ARHGAP6: variants seen among roughly 807,000 people sequenced by gnomAD.
ARHGAP6 encodes Rho GTPase activating protein 6, also known as rho GTPase-activating protein 6.
Under a neutral mutation model 55.7 loss-of-function variants are expected in ARHGAP6, and 16 were observed. The ratio of observed to expected loss-of-function variants is 0.29; its 90% CI spans 0.19 to 0.44. The LOEUF (loss-of-function observed/expected upper bound fraction) is 0.44, where lower values mean the gene tolerates loss of function less well. Ranked by LOEUF, ARHGAP6 falls within the 20% of genes least tolerant of loss-of-function variation. The pLI is 1.00. For missense variants in ARHGAP6, 698 were observed against 808.9 expected, an observed-to-expected ratio of 0.86 and a Z score of 1.66; for synonymous variants, 382 against 360.9, an observed-to-expected ratio of 1.06 and a Z score of -0.66.
At chrX:11,641,526 G>T (rs191108659) in intron 1 of ARHGAP6, among the ~76,000 whole-genome samples, 12 of 111,525 alleles carry the variant, frequency 1.1e-4, no homozygotes, top group African/African-American at 3.9e-4. Flanking sequence ...GAAGAAGGTC[G>T]CATCACACAT....
chrX:11,187,610 C>T (rs1398475691), intron 4 of ARHGAP6, among the ~76,000 whole-genome samples: 1 of 111,797 alleles, frequency 8.9e-6, no homozygotes, highest in Admixed American at 9.5e-5. Flanking sequence ...GATCAGGTCC[C>T]CCTCTACCTT....
rs1029831204 is a variant in ARHGAP6 at position 11,265,985 on chromosome X, G to A, written c.589-11278C>T. The A allele has an allele frequency of 2.5e-5, 23 of 927,821 alleles. No individual in the cohort carries two copies. The African/African-American group carries it at 4.7e-4, about 19-fold the overall frequency. The allele number at this position is 927,821 out of a possible 1,213,427, so 76.5% of individuals were successfully genotyped here. On this transcript the variant is annotated intron_variant, in intron 1 of 12. Transcript: ENST00000337414. ...CAGAACAGAGGCAGGCTGTGTCCCT[G>A]AGTAAGTGCACAAATGAGTGAGTGC... is the stretch of plus-strand genomic sequence containing the variant.
chrX:11,176,232 CATATATATATATATATAT>C (rs746195419), intron 8 of ARHGAP6, among the ~76,000 whole-genome samples: 2 of 23,932 alleles, frequency 8.4e-5, no homozygotes, highest in African/African-American at 1.5e-4. Context: ...AGAGGATTTG[CATATATATATATATATAT>C]ATATATATAT....
At chrX:11,624,313 G>A (rs189312750) in intron 1 of ARHGAP6, among the ~76,000 whole-genome samples, 37 of 112,420 alleles carry the variant, frequency 3.3e-4, no homozygotes, top group African/African-American at 1.1e-3. Flanking sequence ...ACACTGGTCT[G>A]GGCAAAGATT....
intron 1 of ARHGAP6, among the ~76,000 whole-genome samples, chrX:11,256,227 T>C (rs1222295376): frequency 2.7e-5 from 3 of 111,785 alleles, no homozygotes; most frequent in Non-Finnish European, 3.8e-5. Flanking sequence ...CCGTCTCTAC[T>C]AAAAATACAA....
intron 2 of ARHGAP6, among the ~76,000 whole-genome samples, chrX:11,213,038 G>A (rs1858259520): frequency 8.9e-6 from 1 of 112,596 alleles, no homozygotes; most frequent in Non-Finnish European, 1.9e-5. Context: ...GTGGCTCTCT[G>A]AGGCCTCTGT....
chrX:11,393,924 T>C (rs1233648055), intron 1 of ARHGAP6, among the ~76,000 whole-genome samples: 1 of 111,869 alleles, frequency 8.9e-6, no homozygotes, highest in African/African-American at 3.2e-5. Flanking sequence ...TAGTAGTAAT[T>C]CCAGAAAGTG....
At chrX:11,366,782 C>T (rs1035259774) in intron 1 of ARHGAP6, among the ~76,000 whole-genome samples, 1 of 111,983 alleles carries the variant, frequency 8.9e-6, no homozygotes, top group East Asian at 2.8e-4. Context: ...TCCTGTGTAA[C>T]TTTACAATGG....
At chrX:11,203,612 C>A (rs777931136) in intron 2 of ARHGAP6, among the ~76,000 whole-genome samples, 1 of 112,124 alleles carries the variant, frequency 8.9e-6, no homozygotes, top group African/African-American at 3.2e-5. Context: ...TTAGCAAGAA[C>A]TCCCTAAGAT....
At chrX:11,525,543 C>G (rs955484033) in intron 1 of ARHGAP6, among the ~76,000 whole-genome samples, 6 of 112,008 alleles carry the variant, frequency 5.4e-5, no homozygotes, top group African/African-American at 1.3e-4. Flanking sequence ...AAATTAGGCT[C>G]CCAACTCCCA....
chrX:11,166,926 C>T (rs1402104517), intron 9 of ARHGAP6, among the ~76,000 whole-genome samples: 1 of 111,861 alleles, frequency 8.9e-6, no homozygotes, highest in Non-Finnish European at 1.9e-5. Flanking sequence ...CCTCCCACTC[C>T]ACTGTTATTT....
intron 1 of ARHGAP6, among the ~76,000 whole-genome samples, chrX:11,332,123 A>G (rs1034324258): frequency 8.9e-6 from 1 of 111,886 alleles, no homozygotes; most frequent in African/African-American, 3.2e-5. Context: ...CAAAAAAACT[A>G]GACATATTAC....
rs113073218 is a variant in ARHGAP6 at position 11,211,452 on chromosome X, A to T, written c.749-14456T>A. The stretch of plus-strand genomic sequence containing the variant: ...TCACCGTATTAGCCAGGATGTTCTC[A>T]ATCTCCTGACCTCGTGATCCGCCCT... On this transcript the variant is annotated intron_variant, in intron 2 of 12. Transcript: ENST00000337414. 2.5e-4 allele frequency among the ~76,000 whole-genome samples: 27 copies of T among 109,912 alleles called. No individual in the cohort carries two copies. In the East Asian group the frequency reaches 4.3e-3, roughly 17 times the overall value.
intron 5 of ARHGAP6, among the ~76,000 whole-genome samples, chrX:11,182,758 C>G (rs1413291970): frequency 9.4e-6 from 1 of 106,474 alleles, no homozygotes; most frequent in Admixed American, 1.0e-4. Context: ...ACCTTAGCGT[C>G]CAGGGTAGCT....
At chrX:11,440,147 T>C (rs1391800970) in intron 1 of ARHGAP6, among the ~76,000 whole-genome samples, 1 of 112,397 alleles carries the variant, frequency 8.9e-6, no homozygotes, top group Non-Finnish European at 1.9e-5. Context: ...TATTTGGCCC[T>C]TGACATCCTA....
chrX:11,429,190 T>C (rs745449759), intron 1 of ARHGAP6, among the ~76,000 whole-genome samples: 4 of 112,849 alleles, frequency 3.5e-5, no homozygotes, highest in African/African-American at 1.3e-4. Flanking sequence ...AACATTATGT[T>C]GGGAGAAAGA....
chrX:11,595,289 C>CAA (rs2051887991), intron 1 of ARHGAP6, among the ~76,000 whole-genome samples: 1 of 66,628 alleles, frequency 1.5e-5, no homozygotes. Context: ...GACTCTGTCT[C>CAA]AAGAGAAAAA....
At chrX:11,632,513 C>T (rs2052371986) in intron 1 of ARHGAP6, among the ~76,000 whole-genome samples, 1 of 112,361 alleles carries the variant, frequency 8.9e-6, no homozygotes, top group Non-Finnish European at 1.9e-5. Context: ...GATTTGAACA[C>T]TAATCCTCTA....
At chrX:11,636,211 GACA>G (rs1346020789) in intron 1 of ARHGAP6, among the ~76,000 whole-genome samples, 1 of 111,041 alleles carries the variant, frequency 9.0e-6, no homozygotes, top group Non-Finnish European at 1.9e-5. Context: ...CTACAATTTT[GACA>G]ACAAATTATA....
Sources: allele counts gnomAD v4.1 joint callset (sites outside exome capture counted in the v4.1 genomes callset), GRCh38; gene constraint gnomAD v4.1.1; transcripts MANE v1.5; gene names NCBI Gene and HGNC (gene_info 2026-07-23, HGNC 2026-07-21).